The following LPCAT1 variants were observed in gnomAD, a reference collection of about 807,000 sequenced individuals.
LPCAT1 encodes the protein 1-acylglycerol-3-phosphate O-acyltransferase.
A neutral mutation model predicts 60.9 loss-of-function variants in LPCAT1; 23 were observed. The observed-to-expected ratio is 0.38, with a 90% CI of 0.27 to 0.53. The LOEUF is 0.53. LPCAT1 is among the 20% of genes least tolerant of loss of function. The pLI is 0.82. For synonymous variants in LPCAT1, 340 were observed against 301.1 expected (o/e 1.13, Z -1.34); for missense variants, 622 against 723.6 (o/e 0.86, Z 1.61).
chr5:1,510,458 T>C (rs554590072), intron 1 of LPCAT1, among the ~76,000 whole-genome samples: 30 of 152,320 alleles, frequency 2.0e-4, no homozygotes, highest in African/African-American at 7.0e-4. Context: ...GTAATTCCCT[T>C]TGGATTTGCA....
chr5:1,504,519 C>T (rs951343026), intron 1 of LPCAT1, among the ~76,000 whole-genome samples: 35 of 152,292 alleles, frequency 2.3e-4, no homozygotes, highest in Middle Eastern at 3.4e-3. Context: ...GAGTTCGAGA[C>T]CAGCCTGACC....
At chr5:1,489,548 T>C (rs1295102140) in intron 4 of LPCAT1, among the ~76,000 whole-genome samples, 198 bp downstream of exon 4, 1 of 152,232 alleles carries the variant, frequency 6.6e-6, no homozygotes, top group Admixed American at 6.5e-5. Flanking sequence ...AGAATTGTTT[T>C]TCTTTACTTT....
At chr5:1,468,148 G>A (rs1229466559) in intron 12 of LPCAT1, among the ~76,000 whole-genome samples, 2 of 152,086 alleles carry the variant, frequency 1.3e-5, no homozygotes, top group Non-Finnish European at 2.9e-5. Flanking sequence ...CCCTCTTCCC[G>A]GGGCTCTGCC....
In LPCAT1 at chr5:1,483,287, T is replaced by TGTG; in HGVS notation, c.726+140_726+141insCAC. 2 of 951,426 alleles carry TGTG rather than the reference T, an allele frequency of 2.1e-6. No homozygotes were observed. The highest frequency in any genetic ancestry group is 3.4e-6 in the Non-Finnish European group (2 of 589,964). The allele number at this position is 951,426 out of a possible 1,614,324, so 58.9% of individuals were successfully genotyped here. A position where few individuals can be genotyped will look rare whatever the true frequency, so the allele number is the denominator to read the frequency against. ...TGCCCTCTCCAGCGCTGAGGCCGGA[T>TGTG]GGACTCAGCATGGCCAAGTGTGGGC... On this transcript the variant is annotated intron_variant, in intron 6 of 13. Transcript: ENST00000283415. The surrounding 1 kb of genome is among the most constrained non-coding windows in gnomAD (Gnocchi z 9.2).
At chr5:1,474,722 G>A (rs879440817) in intron 9 of LPCAT1, 37 bp from the exon 10 acceptor site, 9 of 1,592,542 alleles carry the variant, frequency 5.7e-6, no homozygotes, top group South Asian at 2.2e-5. Context: ...GCCCAGCCTC[G>A]TGGCAGCCAG....
intron 2 of LPCAT1, among the ~76,000 whole-genome samples, chr5:1,499,884 C>T (rs1735942820): frequency 6.6e-6 from 1 of 152,386 alleles, no homozygotes; most frequent in Admixed American, 6.5e-5. Flanking sequence ...CAGCTCCCAT[C>T]AGCCTCTTGG....
chr5:1,518,742 G>A (rs903904612), intron 1 of LPCAT1, among the ~76,000 whole-genome samples: 2 of 152,240 alleles, frequency 1.3e-5, no homozygotes, highest in African/African-American at 4.8e-5. Context: ...GTGTTCCAGT[G>A]GGAGGAAGGA....
intron 13 of LPCAT1, among the ~76,000 whole-genome samples, chr5:1,465,864 TACTG>T (rs1560946104): frequency 8.1e-6 from 1 of 124,030 alleles, no homozygotes; most frequent in Non-Finnish European, 2.0e-5. Context: ...GCACTTTCAG[TACTG>T]AAACAAACGC....
chr5:1,478,830 C>CA, intron 8 of LPCAT1, among the ~76,000 whole-genome samples: 1 of 152,182 alleles, frequency 6.6e-6, no homozygotes, highest in Middle Eastern at 3.4e-3. Flanking sequence ...CCCTTTTAAA[C>CA]AAAAAAAGAA....
intron 12 of LPCAT1, 84 bp from the exon 13 acceptor site, chr5:1,466,974 C>T (rs1165847313): frequency 1.5e-6 from 2 of 1,330,086 alleles, no homozygotes; most frequent in Non-Finnish European, 1.9e-6. Context: ...AGCGGCCCTG[C>T]CCCGCTTTGT....
intron 13 of LPCAT1, among the ~76,000 whole-genome samples, chr5:1,466,382 A>G (rs896604704): frequency 6.6e-6 from 1 of 151,974 alleles, no homozygotes; most frequent in Admixed American, 6.5e-5. Flanking sequence ...GGGGGATGTG[A>G]GCCACACCCC....
At position 1,463,022 on chromosome 5, in the gene LPCAT1, G is replaced by C. The variant is rs549045221; in HGVS notation, c.*629C>G. On this transcript the variant is annotated 3_prime_UTR_variant, in exon 14 of 14. Transcript: ENST00000283415. ...CAGATTCTATATTAAAAAAAAAAAG[G>C]CCTATAAATAAATATCCTTTGACTC... The C allele has an allele frequency of 1.3e-5, 2 of 151,454 alleles. No individual in the cohort carries two copies. The highest frequency in any genetic ancestry group is 4.2e-4 in the South Asian group (2 of 4,800). The allele number at this position is 151,454 out of a possible 1,614,324, so 9.4% of individuals were successfully genotyped here.
intron 1 of LPCAT1, among the ~76,000 whole-genome samples, chr5:1,505,516 C>A (rs147417338): frequency 6.6e-6 from 1 of 152,132 alleles, no homozygotes; most frequent in Non-Finnish European, 1.5e-5. Context: ...CCAAACAACA[C>A]GGGGCATGAA....
At position 1,483,517 on chromosome 5, in the gene LPCAT1, T is replaced by C. The variant is rs375435884; in HGVS notation, c.668-31A>G. 8.7e-6 allele frequency: 14 copies of C among 1,611,216 alleles called. No individual in the cohort carries two copies. The highest frequency in any genetic ancestry group is 1.1e-5 in the Non-Finnish European group (13 of 1,178,066). ...GAGAAAGGAACAGCGGTGTTGCCCATGGCAGCCCACGCAGGACAGCGTCTG... is the reference window on the plus strand; with the variant it reads ...GAGAAAGGAACAGCGGTGTTGCCCACGGCAGCCCACGCAGGACAGCGTCTG... On this transcript the variant is annotated intron_variant, in intron 5 of 13. Transcript: ENST00000283415. The surrounding 1 kb of genome is among the most constrained non-coding windows in gnomAD (Gnocchi z 9.2).
chr5:1,467,065 T>C, intron 12 of LPCAT1, 175 bp from the exon 13 acceptor site: 1 of 567,958 alleles, frequency 1.8e-6, no homozygotes, highest in Non-Finnish European at 2.6e-6. Flanking sequence ...AGCAGGGCCC[T>C]GTGCCTTGGA....
intron 2 of LPCAT1, among the ~76,000 whole-genome samples, chr5:1,500,533 G>A (rs1195441155): frequency 6.6e-6 from 1 of 152,078 alleles, no homozygotes; most frequent in Non-Finnish European, 1.5e-5. Context: ...TGGAGGGGTG[G>A]TGCCAGCAGG....
intron 1 of LPCAT1, among the ~76,000 whole-genome samples, chr5:1,512,898 C>T (rs1046842625): frequency 7.9e-5 from 12 of 152,216 alleles, no homozygotes; most frequent in Non-Finnish European, 1.6e-4. Context: ...AGAACGAGAC[C>T]GACGGAAACC....
At chr5:1,497,546 C>T (rs1218472161) in intron 2 of LPCAT1, among the ~76,000 whole-genome samples, 3 of 152,242 alleles carry the variant, frequency 2.0e-5, no homozygotes, top group Non-Finnish European at 2.9e-5. Context: ...CCACGTCTGG[C>T]GGGGCTTCAA....
intron 12 of LPCAT1, among the ~76,000 whole-genome samples, chr5:1,467,486 A>G (rs930838868): frequency 2.6e-5 from 4 of 152,084 alleles, no homozygotes; most frequent in African/African-American, 9.7e-5. Context: ...CTCCTGCTCC[A>G]GGTGTGGAAG....
Sources: allele counts gnomAD v4.1 joint callset (sites outside exome capture counted in the v4.1 genomes callset), GRCh38; gene constraint gnomAD v4.1.1; non-coding constraint Gnocchi (gnomAD v3.1); transcripts MANE v1.5; gene names NCBI Gene and HGNC (gene_info 2026-07-23, HGNC 2026-07-21).